CACNA2D3: variants seen among roughly 807,000 people sequenced by gnomAD.
CACNA2D3 encodes voltage-dependent calcium channel subunit alpha-2/delta-3.
In CACNA2D3, 60 loss-of-function variants were observed where a neutral mutation model predicts 160.6. That is an observed-to-expected ratio of 0.37 (90% CI 0.30 to 0.46). The LOEUF (loss-of-function observed/expected upper bound fraction) is 0.46, where lower values mean the gene tolerates loss of function less well. Among genes scored for constraint, CACNA2D3 ranks in the 20% least tolerant of loss-of-function variants. CACNA2D3 has a pLI of 1.00. For missense variants in CACNA2D3, 1,205 were observed against 1,365.0 expected (o/e 0.88, Z 1.85); for synonymous variants, 558 against 492.9 (o/e 1.13, Z -1.75).
chr3:54,892,199 A>G (rs1485453021), intron 25 of CACNA2D3, among the ~76,000 whole-genome samples: 1 of 152,184 alleles, frequency 6.6e-6, no homozygotes, highest in African/African-American at 2.4e-5. Context: ...TAAGACATGG[A>G]CAAATGGGTC....
In CACNA2D3 at chr3:54,413,355, A is replaced by G. The variant is rs578220251; in HGVS notation, c.381+26581A>G. ...TCTCATTATGTTTGATTTTCAGTGT[A>G]CTACACAGTGTGATAAGGATGTTTC... On this transcript the variant is annotated intron_variant, in intron 4 of 37. Transcript: ENST00000474759. Among the ~76,000 whole-genome samples the G allele has an allele frequency of 2.2e-3, 322 of 148,988 alleles. 2 individuals carry two copies. Among genetic ancestry groups the G allele is most frequent in the African/African-American group, 7.5e-3 (304 of 40,686 alleles).
intron 11 of CACNA2D3, among the ~76,000 whole-genome samples, chr3:54,689,602 C>A (rs1313591855): frequency 2.0e-5 from 3 of 152,096 alleles, no homozygotes; most frequent in Non-Finnish European, 4.4e-5. Flanking sequence ...AGAGCAAAAC[C>A]CTCCTTCTCA....
chr3:54,899,932 G>T (rs181532438), intron 27 of CACNA2D3, 64 bp downstream of exon 27: 106 of 1,207,930 alleles, frequency 8.8e-5, no homozygotes, highest in Non-Finnish European at 1.2e-4. Context: ...CGGCCAGTGG[G>T]CTACTTCTGT....
At chr3:54,722,941 T>C (rs1485809387) in intron 11 of CACNA2D3, among the ~76,000 whole-genome samples, 1 of 152,164 alleles carries the variant, frequency 6.6e-6, no homozygotes, top group Non-Finnish European at 1.5e-5. Flanking sequence ...GGTCTGCTGC[T>C]CTCTTCAGAG....
chr3:54,338,099 A>G lies in CACNA2D3; in HGVS notation c.321+17541A>G, dbSNP rs76904019. 5.5e-3 allele frequency among the ~76,000 whole-genome samples: 843 copies of G among 152,358 alleles called. 7 individuals carry two copies. The highest frequency in any genetic ancestry group is 0.019 in the African/African-American group (791 of 41,570). ...CACTATGGAGCACTATAGAAGAAGTAAACAGTTCTGAAACTGTGCTATAAA... is the reference window on the plus strand; with the variant it reads ...CACTATGGAGCACTATAGAAGAAGTGAACAGTTCTGAAACTGTGCTATAAA... On this transcript the variant is annotated intron_variant, in intron 3 of 37. Coordinates refer to ENST00000474759, the MANE Select transcript of CACNA2D3 (RefSeq NM_018398.3).
chr3:54,865,483 C>T lies in CACNA2D3; in HGVS notation c.1627-6056C>T, dbSNP rs756912337. 1.1e-4 allele frequency among the ~76,000 whole-genome samples: 17 copies of T among 152,282 alleles called. 1 individual carries two copies. Among genetic ancestry groups the T allele is most frequent in the South Asian group, 4.2e-4 (2 of 4,816 alleles). ...AGAGGCCACTGGGGCTGCCTTTCCC[C>T]GGGGCCACCTCCTCTGAGTCTGTTG... On this transcript the variant is annotated intron_variant, in intron 17 of 37. Coordinates refer to ENST00000474759, the MANE Select transcript of CACNA2D3 (RefSeq NM_018398.3).
chr3:54,215,617 C>G (rs748772752), intron 2 of CACNA2D3, among the ~76,000 whole-genome samples: 1 of 152,028 alleles, frequency 6.6e-6, no homozygotes, highest in Non-Finnish European at 1.5e-5. Flanking sequence ...AAGTGAACGG[C>G]GATGTGAGGG....
At chr3:54,300,033 A>G (rs1022071343) in intron 2 of CACNA2D3, among the ~76,000 whole-genome samples, 2 of 152,220 alleles carry the variant, frequency 1.3e-5, no homozygotes, top group African/African-American at 2.4e-5. Flanking sequence ...TAGTAATTCA[A>G]AGGATTTTCT....
At chr3:54,406,655 A>G (rs1699582151) in intron 4 of CACNA2D3, among the ~76,000 whole-genome samples, 1 of 152,108 alleles carries the variant, frequency 6.6e-6, no homozygotes, top group African/African-American at 2.4e-5. Context: ...ATTCATTACC[A>G]GGTTCACGGT....
chr3:54,337,995 C>T lies in CACNA2D3; in HGVS notation c.321+17437C>T, dbSNP rs561698432. 3.9e-5 allele frequency among the ~76,000 whole-genome samples: 6 copies of T among 152,314 alleles called. No homozygotes were observed. The South Asian group carries it at 1.2e-3, about 32-fold the overall frequency. On this transcript the variant is annotated intron_variant, in intron 3 of 37. Coordinates refer to ENST00000474759, the MANE Select transcript of CACNA2D3 (RefSeq NM_018398.3). ...ACGTTTGGGTGCCTTAAGTGAGTGC[C>T]TCACTTGTCTGGCTCGATGGCTGTT...
At chr3:54,498,371 A>G (rs1417064476) in intron 4 of CACNA2D3, among the ~76,000 whole-genome samples, 1 of 151,962 alleles carries the variant, frequency 6.6e-6, no homozygotes, top group African/African-American at 2.4e-5. Context: ...TTATTGGCAT[A>G]AAGTTGTTTG....
intron 5 of CACNA2D3, among the ~76,000 whole-genome samples, chr3:54,560,655 C>T (rs1257787062): frequency 1.3e-5 from 2 of 152,232 alleles, no homozygotes; most frequent in East Asian, 1.9e-4. Flanking sequence ...TTGCCTGTGC[C>T]TGTGTCCTGA....
intron 18 of CACNA2D3, among the ~76,000 whole-genome samples, chr3:54,877,998 A>ATTTTAC (rs1241047592): frequency 6.6e-6 from 1 of 152,198 alleles, no homozygotes; most frequent in East Asian, 1.9e-4. Context: ...TTAAAAAAAT[A>ATTTTAC]TCTAGAGTAA....
At chr3:54,352,488 G>C (rs768235689) in intron 3 of CACNA2D3, among the ~76,000 whole-genome samples, 3 of 152,222 alleles carry the variant, frequency 2.0e-5, no homozygotes, top group Non-Finnish European at 4.4e-5. Flanking sequence ...CCTGGGAAAA[G>C]TCAGTTGTAA....
rs543081085 is a variant in CACNA2D3, at chr3:55,003,574, C to T, written c.2691-1189C>T. 7.9e-5 allele frequency among the ~76,000 whole-genome samples: 12 copies of T among 152,134 alleles called. No homozygotes were observed. The South Asian group carries it at 1.9e-3, about 24-fold the overall frequency. ...AATGGGGTACAGATGCTTAAATGCC[C>T]GTCTTCGTAGGGGAGGGAAAAGGGG... On this transcript the variant is annotated intron_variant, in intron 31 of 37. Coordinates refer to ENST00000474759, the MANE Select transcript of CACNA2D3 (RefSeq NM_018398.3).
intron 17 of CACNA2D3, among the ~76,000 whole-genome samples, chr3:54,858,288 T>G (rs1474945291): frequency 6.6e-6 from 1 of 152,128 alleles, no homozygotes; most frequent in African/African-American, 2.4e-5. Flanking sequence ...GGCTGGGATG[T>G]GAGTGCTGGC....
intron 6 of CACNA2D3, among the ~76,000 whole-genome samples, chr3:54,566,359 C>G (rs1425523935): frequency 6.6e-6 from 1 of 152,184 alleles, no homozygotes; most frequent in Non-Finnish European, 1.5e-5. Flanking sequence ...TCCAGGCTCC[C>G]CATCTCCCAG....
intron 9 of CACNA2D3, among the ~76,000 whole-genome samples, chr3:54,591,397 A>G (rs1042084336): frequency 5.3e-5 from 8 of 152,102 alleles, no homozygotes; most frequent in Middle Eastern, 3.4e-3. Flanking sequence ...AGGTGCCTAT[A>G]CCTGTGGCTG....
At chr3:54,433,966 C>A (rs776126548) in intron 4 of CACNA2D3, among the ~76,000 whole-genome samples, 18 of 152,356 alleles carry the variant, frequency 1.2e-4, no homozygotes, top group Non-Finnish European at 2.4e-4. Flanking sequence ...TCCATTCCCC[C>A]ACCTGGTGGT....
Sources: allele counts gnomAD v4.1 joint callset (sites outside exome capture counted in the v4.1 genomes callset), GRCh38; gene constraint gnomAD v4.1.1; transcripts MANE v1.5; gene names NCBI Gene and HGNC (gene_info 2026-07-23, HGNC 2026-07-21).